The following RAB24 variants were observed in gnomAD, a reference collection of about 807,000 sequenced individuals.
The protein encoded by RAB24 is ras-related protein Rab-24.
In RAB24, 9 loss-of-function variants were observed where a neutral mutation model predicts 31.4. The ratio of observed to expected loss-of-function variants is 0.29; its 90% CI spans 0.17 to 0.50. The LOEUF is 0.50. Among genes scored for constraint, RAB24 ranks in the 20% least tolerant of loss-of-function variants. The probability of loss-of-function intolerance (pLI) is 0.98; values close to 1 mark genes in which losing one functional copy is unlikely to be tolerated. For synonymous variants in RAB24, 106 were observed against 94.1 expected, an observed-to-expected ratio of 1.13 and a Z score of -0.73; for missense variants, 197 against 265.2, an observed-to-expected ratio of 0.74 and a Z score of 1.79.
Position 177,301,227 on chromosome 5 carries a change from C to G in RAB24, c.*516G>C, listed in dbSNP as rs76673188. The G allele has an allele frequency of 7.0e-3, 1,145 of 163,992 alleles. 19 individuals carry two copies. The highest frequency in any genetic ancestry group is 0.026 in the African/African-American group (1,066 of 41,580). The allele number at this position is 163,992 out of a possible 1,614,324, so 10.2% of individuals were successfully genotyped here. On this transcript the variant is annotated 3_prime_UTR_variant, in exon 8 of 8. Transcript: ENST00000303251. ...GTAGGAATGCTTGACCCTTTTATTTCGAAGCAACTCATGCACTCTTTTCAG... is the reference window on the plus strand; with the variant it reads ...GTAGGAATGCTTGACCCTTTTATTTGGAAGCAACTCATGCACTCTTTTCAG...
rs1760709905 is a variant in RAB24, at chr5:177,302,418, C to T, written c.412G>A (p.Asp138Asn). Residue 138 changes from aspartate to asparagine, a missense_variant, in exon 5 of 8, where the codon GAC becomes AAC. Asp to Asn is a conservative substitution (Grantham distance 23). Around this residue, in one of 2 missense-constraint regions of RAB24, gnomAD observed 148 missense variants for 159.7 expected, o/e 0.93. Coordinates refer to ENST00000303251, the MANE Select transcript of RAB24 (RefSeq NM_001031677.4). ...DRRRRRVDFH[D>N]VQDYADNIKA... The stretch of plus-strand genomic sequence containing the variant: ...CTACTGTCTGCATAGTCCTGGACGT[C>T]GTGGAAGTCCACACGTCGACGCCTC... The T allele has an allele frequency of 6.2e-7, 1 of 1,613,562 alleles. No homozygotes were observed. Among genetic ancestry groups the T allele is most frequent in the Non-Finnish European group, 8.5e-7 (1 of 1,180,028 alleles).
rs138116618 is a variant in RAB24, at chr5:177,301,520, T to C, written c.*223A>G. The C allele has an allele frequency of 1.2e-4, 70 of 592,150 alleles. No individual in the cohort carries two copies. The highest frequency in any genetic ancestry group is 1.1e-3 in the African/African-American group (61 of 53,840). The allele number at this position is 592,150 out of a possible 1,614,324, so 36.7% of individuals were successfully genotyped here. A position where few individuals can be genotyped will look rare whatever the true frequency, so the allele number is the denominator to read the frequency against. ...TTAAATAATCTGCAGACACAAGTGCTGTCCAGGGCAGAAGCCTGGGGTCCA... is the reference window on the plus strand; with the variant it reads ...TTAAATAATCTGCAGACACAAGTGCCGTCCAGGGCAGAAGCCTGGGGTCCA... On this transcript the variant is annotated 3_prime_UTR_variant, in exon 8 of 8. Transcript: ENST00000303251.
Position 177,301,800 on chromosome 5 carries a change from C to T in RAB24, c.555G>A (p.Lys185=). 4.3e-6 allele frequency: 7 copies of T among 1,614,248 alleles called. No individual in the cohort carries two copies. Among genetic ancestry groups the T allele is most frequent in the Non-Finnish European group, 5.9e-6 (7 of 1,180,034 alleles). ...TTGGCTTCTGGCCCAGATCCACGCCCTTGTCCTCTGTCAAAAAGAGAGGTG... is the reference window on the plus strand; with the variant it reads ...TTGGCTTCTGGCCCAGATCCACGCCTTTGTCCTCTGTCAAAAAGAGAGGTG... ...VAAFQVMTED[K]GVDLGQKPNP... The change falls in exon 8 of 8, where the codon AAG becomes AAA. Residue 185 remains lysine, a synonymous_variant. Transcript: ENST00000303251.
rs1581583759 is a variant in RAB24, at chr5:177,303,529, G to C, written c.-241C>G. ...TTATCCTTCGAAGACCCCAAGCCTC[G>C]GGGCGGCCTGGGAGCGCGCGGGACA... On this transcript the variant is annotated 5_prime_UTR_variant, in exon 1 of 8. Coordinates refer to ENST00000303251, the MANE Select transcript of RAB24 (RefSeq NM_001031677.4). This position sits in a 1 kb window ranked among gnomAD's most constrained non-coding sequence, Gnocchi z 6.1. 2.2e-5 allele frequency: 13 copies of C among 585,224 alleles called. No homozygotes were observed. In the East Asian group the frequency reaches 3.7e-4, roughly 17 times the overall value. The allele number at this position is 585,224 out of a possible 1,614,324, so 36.3% of individuals were successfully genotyped here.
Position 177,303,329 on chromosome 5 carries a change from G to A in RAB24, c.-41C>T. The A allele has an allele frequency of 6.3e-7, 1 of 1,595,594 alleles. No individual in the cohort carries two copies. Among genetic ancestry groups the A allele is most frequent in the Non-Finnish European group, 8.6e-7 (1 of 1,164,832 alleles). The stretch of plus-strand genomic sequence containing the variant: ...TCAGCCACGTCAGGGTCCTGAGCGG[G>A]GACGGGAGGCAAACCCCGATCTCCG... On this transcript the variant is annotated 5_prime_UTR_variant, in exon 1 of 8. Transcript: ENST00000303251. The surrounding 1 kb of genome is among the most constrained non-coding windows in gnomAD (Gnocchi z 6.1).
At position 177,303,617 on chromosome 5, in the gene RAB24, C is replaced by T. The variant is rs1005115063; in HGVS notation, c.-329G>A. On this transcript the variant is annotated 5_prime_UTR_variant, in exon 1 of 8. Transcript: ENST00000303251. This position sits in a 1 kb window ranked among gnomAD's most constrained non-coding sequence, Gnocchi z 6.1. The stretch of plus-strand genomic sequence containing the variant: ...CTACTCCGTCATTCGCTCGCCTGCC[C>T]GGCTTAAGCTCCGTTCTGGCTGGGA... 2 of 448,390 alleles carry T rather than the reference C, an allele frequency of 4.5e-6. No individual in the cohort carries two copies. The highest frequency in any genetic ancestry group is 3.7e-5 in the Admixed American group (1 of 26,930). 27.8% of individuals were successfully genotyped at this position (448,390 alleles called of 1,614,324 possible).
Position 177,303,567 on chromosome 5 carries a change from G to C in RAB24, c.-279C>G. 3.7e-6 allele frequency: 2 copies of C among 541,554 alleles called. No homozygotes were observed. The allele number at this position is 541,554 out of a possible 1,614,324, so 33.5% of individuals were successfully genotyped here. Reference sequence around the variant, plus strand: ...AGCGCGCGGGACAGCGTCCTCAACAGCGCAGCACGCCGCCGTGCAGCTCGC... The same window carrying C: ...AGCGCGCGGGACAGCGTCCTCAACACCGCAGCACGCCGCCGTGCAGCTCGC... On this transcript the variant is annotated 5_prime_UTR_variant, in exon 1 of 8. Transcript: ENST00000303251. The surrounding 1 kb of genome is among the most constrained non-coding windows in gnomAD (Gnocchi z 6.1).
chr5:177,302,514 G>C lies in RAB24; in HGVS notation c.334-18C>G, dbSNP rs979632862. 9.3e-6 allele frequency: 15 copies of C among 1,613,982 alleles called. No individual in the cohort carries two copies. Among genetic ancestry groups the C allele is most frequent in the Non-Finnish European group, 1.2e-5 (14 of 1,179,970 alleles). On this transcript the variant is annotated intron_variant, in intron 4 of 7. Transcript: ENST00000303251. Reference sequence around the variant, plus strand: ...TGGCAGCCCTGAGGCAGAAGACAAGGGTCACCTCCACAGGCCAACAAAACC... The same window carrying C: ...TGGCAGCCCTGAGGCAGAAGACAAGCGTCACCTCCACAGGCCAACAAAACC...
rs776501028 is a variant in RAB24 at position 177,301,721 on chromosome 5, C to T, written c.*22G>A. On this transcript the variant is annotated 3_prime_UTR_variant, in exon 8 of 8. Transcript: ENST00000303251. ...CCTTACGGGGAATTCCTTTAATTCC[C>T]CCAGGCCAGGTGAGTGCTGACTCAG... 5.0e-6 allele frequency: 8 copies of T among 1,613,658 alleles called. No homozygotes were observed. The highest frequency in any genetic ancestry group is 6.8e-6 in the Non-Finnish European group (8 of 1,179,676).
Position 177,301,794 on chromosome 5 carries a change from C to T in RAB24, c.561G>A (p.Val187=), listed in dbSNP as rs143276701. 5.6e-5 allele frequency: 90 copies of T among 1,614,116 alleles called. No homozygotes were observed. The highest frequency in any genetic ancestry group is 7.5e-5 in the Non-Finnish European group (89 of 1,180,038). The change falls in exon 8 of 8, where the codon GTG becomes GTA. Residue 187 remains valine, a synonymous_variant. Transcript: ENST00000303251. ...AGGGGTTTGGCTTCTGGCCCAGATCCACGCCCTTGTCCTCTGTCAAAAAGA... is the reference window on the plus strand; with the variant it reads ...AGGGGTTTGGCTTCTGGCCCAGATCTACGCCCTTGTCCTCTGTCAAAAAGA... ...AFQVMTEDKG[V]DLGQKPNPYF...
intron 6 of RAB24, 63 bp downstream of exon 6, chr5:177,302,065 C>A (rs1315699558): frequency 3.0e-5 from 48 of 1,610,284 alleles, no homozygotes; most frequent in Non-Finnish European, 1.5e-5. Flanking sequence ...CCCTCTGTGC[C>A]CTATTCAGCT....
chr5:177,303,714 C>A lies in RAB24; in HGVS notation c.-426G>T, dbSNP rs758977463. 6.7e-5 allele frequency: 25 copies of A among 371,758 alleles called. No homozygotes were observed. Among genetic ancestry groups the A allele is most frequent in the Non-Finnish European group, 1.1e-4 (24 of 209,280 alleles). 23.0% of individuals were successfully genotyped at this position (371,758 alleles called of 1,614,324 possible). A position where few individuals can be genotyped will look rare whatever the true frequency, so the allele number is the denominator to read the frequency against. ...GCGCCGCGACTCCCGCGGGAGGGGG[C>A]TAGAGGGCGAGGGGGCGGGGCCGCA... On this transcript the variant is annotated 5_prime_UTR_variant, in exon 1 of 8. Coordinates refer to ENST00000303251, the MANE Select transcript of RAB24 (RefSeq NM_001031677.4). This position sits in a 1 kb window ranked among gnomAD's most constrained non-coding sequence, Gnocchi z 6.1.
chr5:177,301,632 A>C lies in RAB24; in HGVS notation c.*111T>G. On this transcript the variant is annotated 3_prime_UTR_variant, in exon 8 of 8. Transcript: ENST00000303251. ...AGCACAGGCAGGCGCCACTCTGCTGACATGAGGACCTGGGGTAGCTCAGAC... is the reference window on the plus strand; with the variant it reads ...AGCACAGGCAGGCGCCACTCTGCTGCCATGAGGACCTGGGGTAGCTCAGAC... 1 of 1,248,014 alleles carries C rather than the reference A, an allele frequency of 8.0e-7. No homozygotes were observed. The highest frequency in any genetic ancestry group is 1.2e-6 in the Non-Finnish European group (1 of 863,146). 77.3% of individuals were successfully genotyped at this position (1,248,014 alleles called of 1,614,324 possible). A position where few individuals can be genotyped will look rare whatever the true frequency, so the allele number is the denominator to read the frequency against.
rs200531671 is a variant in RAB24, at chr5:177,302,364, C to T, written c.433+33G>A. On this transcript the variant is annotated intron_variant, in intron 5 of 7. Coordinates refer to ENST00000303251, the MANE Select transcript of RAB24 (RefSeq NM_001031677.4). ...TTTGATCCACCCAGACAGCCACACA[C>T]CCCCACCCCCCAAAGGGCTGAGGAG... 5.5e-4 allele frequency: 878 copies of T among 1,606,634 alleles called. 1 individual carries two copies. Among genetic ancestry groups the T allele is most frequent in the South Asian group, 7.4e-4 (67 of 90,918 alleles).
In RAB24 at chr5:177,303,477, C is replaced by G. The variant is rs1289111404; in HGVS notation, c.-189G>C. The G allele has an allele frequency of 1.6e-6, 1 of 616,204 alleles. No homozygotes were observed. Among genetic ancestry groups the G allele is most frequent in the African/African-American group, 1.8e-5 (1 of 54,090 alleles). 38.2% of individuals were successfully genotyped at this position (616,204 alleles called of 1,614,324 possible). ...TTGCACTTCGGCAGCGCCCCGTGTG[C>G]CCCCGCTGTTCGGCCCCGGGCGCCG... On this transcript the variant is annotated 5_prime_UTR_variant, in exon 1 of 8. Transcript: ENST00000303251. The surrounding 1 kb of genome is among the most constrained non-coding windows in gnomAD (Gnocchi z 6.1).
Position 177,301,746 on chromosome 5 carries a change from G to A in RAB24, c.609C>T (p.His203=). ...PNPYFYSCCH[H] ...CCCAGGCCAGGTGAGTGCTGACTCA[G>A]TGATGACAACAGCTGTAGAAGTAGG... Residue 203 remains histidine, a synonymous_variant, in exon 8 of 8, where the codon CAC becomes CAT. Transcript: ENST00000303251. The A allele has an allele frequency of 6.2e-7, 1 of 1,614,200 alleles. No homozygotes were observed. The highest frequency in any genetic ancestry group is 1.1e-5 in the South Asian group (1 of 91,088).
At chr5:177,302,024 C>T in intron 6 of RAB24, 37 bp from the exon 7 acceptor site, 4 of 1,612,422 alleles carry the variant, frequency 2.5e-6, no homozygotes, top group Non-Finnish European at 3.4e-6. Context: ...GGGCCCAATG[C>T]CAGTAGCCCT....
At position 177,302,437 on chromosome 5, in the gene RAB24, A is replaced by G. The variant is rs1270646540; in HGVS notation, c.393T>C (p.Arg131=). 1 of 1,613,706 alleles carries G rather than the reference A, an allele frequency of 6.2e-7. No individual in the cohort carries two copies. Among genetic ancestry groups the G allele is most frequent in the East Asian group, 2.2e-5 (1 of 44,882 alleles). ...GGACGTCGTGGAAGTCCACACGTCG[A>G]CGCCTCCGGTCTTCTTCCAGCAGGT... ...KSDLLEEDRR[R]RRVDFHDVQD... The change falls in exon 5 of 8, where the codon CGT becomes CGC. Residue 131 remains arginine (R), a synonymous_variant. Transcript: ENST00000303251.
chr5:177,302,690 T>G (rs1671122021), intron 3 of RAB24, 46 bp from the exon 4 acceptor site: 1 of 1,613,518 alleles, frequency 6.2e-7, no homozygotes, highest in Admixed American at 1.7e-5. Flanking sequence ...CAAGGGCTGT[T>G]CTCTGGCTAG....
Sources: allele counts gnomAD v4.1 joint callset, GRCh38; gene constraint gnomAD v4.1.1; regional missense constraint gnomAD v4.1.1; non-coding constraint Gnocchi (gnomAD v3.1); transcripts MANE v1.5; gene names NCBI Gene and HGNC (gene_info 2026-07-23, HGNC 2026-07-21).